Variants in KDM3B observed in about 807,000 individuals in gnomAD.
KDM3B encodes the protein lysine-specific demethylase 3B.
A neutral mutation model predicts 170.0 loss-of-function variants in KDM3B; 10 were observed. That is an observed-to-expected ratio of 0.06 (90% confidence interval 0.04 to 0.10). The LOEUF is 0.10. KDM3B is among the 10% of genes least tolerant of loss of function. The pLI, the probability that KDM3B is intolerant of heterozygous loss-of-function variation, is 1.00. For synonymous variants in KDM3B, 831 were observed against 834.8 expected (o/e 1.00, Z 0.08); for missense variants, 1,394 against 2,195.2 (o/e 0.64, Z 7.29).
intron 11 of KDM3B, among the ~76,000 whole-genome samples, chr5:138,402,837 T>A (rs550194766): frequency 1.3e-5 from 2 of 152,272 alleles, no homozygotes; most frequent in African/African-American, 4.8e-5. Context: ...GAACCAAAAC[T>A]GAAACTGGCA....
Position 138,419,026 on chromosome 5 carries a change from T to C in KDM3B, c.3509T>C (p.Val1170Ala). ...TFSGGGGPAP[V>A]TTPEPDHVPK... ...TCTGGTGGAGGAGGACCGGCACCAG[T>C]AACAACTCCAGAGCCGGACCATGTT... The change falls in exon 14 of 24, where the codon GTA becomes GCA. Residue 1170 changes from valine (V) to alanine (A), a missense_variant. Transcript: ENST00000314358. The C allele has an allele frequency of 6.2e-7, 1 of 1,614,160 alleles. No homozygotes were observed.
chr5:138,408,318 A>G (rs1042214475), intron 11 of KDM3B, among the ~76,000 whole-genome samples: 3 of 151,260 alleles, frequency 2.0e-5, no homozygotes, highest in Non-Finnish European at 1.5e-5. Context: ...CACGAGAGAG[A>G]GCTGTTTTAC....
chr5:138,367,280 G>A (rs1370391816), intron 1 of KDM3B, among the ~76,000 whole-genome samples: 1 of 152,112 alleles, frequency 6.6e-6, no homozygotes, highest in Non-Finnish European at 1.5e-5. Context: ...TCTTGGCCCT[G>A]TCAAGTGCTT....
In KDM3B at chr5:138,391,935, T is replaced by C; in HGVS notation, c.2303T>C (p.Val768Ala). Reference protein sequence around the residue: ...DNPLLKTFSNVFGRHSGGFLS... With the variant: ...DNPLLKTFSNAFGRHSGGFLS... ...CCCCTCCTCAAAACCTTTAGTAACG[T>C]CTTTGGCAGGCACTCAGGCGGCTTT... The change falls in exon 8 of 24, where the codon GTC (valine) becomes GCC (alanine). Residue 768 changes from valine to alanine, a missense_variant. Val to Ala is a moderately conservative substitution (Grantham distance 64). Around this residue, in one of 19 missense-constraint regions of KDM3B, gnomAD observed 84 missense variants for 135.8 expected, o/e 0.62. Coordinates refer to ENST00000314358, the MANE Select transcript of KDM3B (RefSeq NM_016604.4). This position sits in a 1 kb window ranked among gnomAD's most constrained non-coding sequence, Gnocchi z 5.0. 1 of 1,612,422 alleles carries C rather than the reference T, an allele frequency of 6.2e-7. No individual in the cohort carries two copies. The highest frequency in any genetic ancestry group is 8.5e-7 in the Non-Finnish European group (1 of 1,178,608).
At chr5:138,367,873 C>T (rs777364088) in intron 1 of KDM3B, among the ~76,000 whole-genome samples, 3 of 152,038 alleles carry the variant, frequency 2.0e-5, no homozygotes, top group South Asian at 2.1e-4. Context: ...ATTAGCTGGG[C>T]GTGGTGGCAG....
chr5:138,392,294 T>G, intron 8 of KDM3B, 33 bp downstream of exon 8: 1 of 1,460,098 alleles, frequency 6.8e-7, no homozygotes, highest in Non-Finnish European at 9.1e-7. Flanking sequence ...TGGGCTTTGC[T>G]CTGGCACTGG....
intron 17 of KDM3B, among the ~76,000 whole-genome samples, chr5:138,426,574 C>CAAAAA (rs566978034): frequency 1.4e-5 from 1 of 69,162 alleles, no homozygotes; most frequent in Non-Finnish European, 2.9e-5. Context: ...GACTCCATCT[C>CAAAAA]AAAAAAAAAA....
intron 11 of KDM3B, among the ~76,000 whole-genome samples, chr5:138,412,605 G>C (rs1243924788): frequency 1.3e-5 from 2 of 151,142 alleles, no homozygotes; most frequent in Admixed American, 6.6e-5. Context: ...AGTGAGCCAC[G>C]ATCGTGCCAT....
At chr5:138,398,486 G>A (rs1762600553) in intron 10 of KDM3B, 94 bp downstream of exon 10, 1 of 1,074,974 alleles carries the variant, frequency 9.3e-7, no homozygotes, top group African/African-American at 1.6e-5. Context: ...GTGGCAGATG[G>A]CATTTTCTGT....
Position 138,390,869 on chromosome 5 carries a change from C to T in KDM3B, c.1381-144C>T, listed in dbSNP as rs1013388653. ...CCCCACTGCTGGTGAACTCCAGTTA[C>T]AAGAGCAGATCCATGGAATTGTAAA... On this transcript the variant is annotated intron_variant, in intron 7 of 23. Coordinates refer to ENST00000314358, the MANE Select transcript of KDM3B (RefSeq NM_016604.4). 9.3e-5 allele frequency: 66 copies of T among 712,226 alleles called. 1 individual carries two copies. The East Asian group carries it at 1.9e-3, about 20-fold the overall frequency. 44.1% of individuals were successfully genotyped at this position (712,226 alleles called of 1,614,324 possible).
At chr5:138,388,894 C>T (rs1460545760) in intron 7 of KDM3B, among the ~76,000 whole-genome samples, 1 of 152,204 alleles carries the variant, frequency 6.6e-6, no homozygotes, top group East Asian at 1.9e-4. Context: ...CAACAGGAAA[C>T]TTCTTGCCCT....
intron 9 of KDM3B, among the ~76,000 whole-genome samples, chr5:138,396,314 C>T (rs1747549704): frequency 6.6e-6 from 1 of 151,950 alleles, no homozygotes; most frequent in Non-Finnish European, 1.5e-5. Flanking sequence ...CCAGGATGGT[C>T]TTGATCTCCT....
intron 1 of KDM3B, among the ~76,000 whole-genome samples, chr5:138,358,306 C>CTTTTTTTTTTTTT (rs71306181): frequency 9.2e-6 from 1 of 108,272 alleles, no homozygotes. Context: ...TTCTTTCTTT[C>CTTTTTTTTTTTTT]TTTTTTTTTT....
At chr5:138,398,127 TGTTA>T in intron 9 of KDM3B, 47 bp from the exon 10 acceptor site, 1 of 1,378,230 alleles carries the variant, frequency 7.3e-7, no homozygotes, top group Non-Finnish European at 1.0e-6. Context: ...TTTAGGTGTG[TGTTA>T]GTTTGCGTTG....
At chr5:138,415,275 A>G (rs773009501) in intron 12 of KDM3B, 36 bp downstream of exon 12, 4 of 1,446,622 alleles carry the variant, frequency 2.8e-6, no homozygotes, top group Admixed American at 3.5e-5. Context: ...GGTGGAAGAA[A>G]TGTTTTTAGT....
rs529931381 is a variant in KDM3B at position 138,387,157 on chromosome 5, T to G, written c.1380+536T>G. On this transcript the variant is annotated intron_variant, in intron 7 of 23. Coordinates refer to ENST00000314358, the MANE Select transcript of KDM3B (RefSeq NM_016604.4). ...ACCTTTTTAAGCCTTACCTGAAAAT[T>G]TGATGGATTTCATCACAACAGTATC... 2.7e-4 allele frequency among the ~76,000 whole-genome samples: 41 copies of G among 152,336 alleles called. No homozygotes were observed. The South Asian group carries it at 8.1e-3, about 30-fold the overall frequency.
Position 138,435,842 on chromosome 5 carries a change from C to A in KDM3B, c.*142C>A. ...GTATTCCAAACTCTCCAGCCACTCT[C>A]TTCTACGCTGCCTCAACACTGAAGG... On this transcript the variant is annotated 3_prime_UTR_variant, in exon 24 of 24. Coordinates refer to ENST00000314358, the MANE Select transcript of KDM3B (RefSeq NM_016604.4). 1 of 651,114 alleles carries A rather than the reference C, an allele frequency of 1.5e-6. No individual in the cohort carries two copies. Among genetic ancestry groups the A allele is most frequent in the East Asian group, 2.7e-5 (1 of 36,442 alleles). The allele number at this position is 651,114 out of a possible 1,614,324, so 40.3% of individuals were successfully genotyped here.
intron 3 of KDM3B, among the ~76,000 whole-genome samples, chr5:138,377,449 G>T (rs1762025989): frequency 6.6e-6 from 1 of 151,402 alleles, no homozygotes. Context: ...AAGAGACAGG[G>T]TCTTGTTCTG....
chr5:138,386,712 G>T, intron 7 of KDM3B, 91 bp downstream of exon 7: 1 of 1,491,746 alleles, frequency 6.7e-7, no homozygotes, highest in South Asian at 1.3e-5. Flanking sequence ...AAGTGCCCCA[G>T]GGAAGGAGTA....
Sources: allele counts gnomAD v4.1 joint callset (sites outside exome capture counted in the v4.1 genomes callset), GRCh38; gene constraint gnomAD v4.1.1; regional missense constraint gnomAD v4.1.1; non-coding constraint Gnocchi (gnomAD v3.1); transcripts MANE v1.5; gene names NCBI Gene and HGNC (gene_info 2026-07-23, HGNC 2026-07-21).